Variants in CLRN1 observed in about 807,000 individuals in gnomAD.
The protein encoded by CLRN1 is clarin 1, also known as clarin-1.
Under a neutral mutation model 18.7 loss-of-function variants are expected in CLRN1, and 15 were observed. The observed-to-expected ratio is 0.80, with a 90% CI of 0.54 to 1.23. The LOEUF (loss-of-function observed/expected upper bound fraction) is 1.23, where lower values mean the gene tolerates loss of function less well. Among genes scored for constraint, CLRN1 ranks in the 50% most tolerant of loss-of-function variants. CLRN1 has a pLI of 0.00. For missense variants in CLRN1, 311 were observed against 277.5 expected (o/e 1.12, Z -0.86); for synonymous variants, 104 against 102.9 (o/e 1.01, Z -0.07).
intron 2 of CLRN1, among the ~76,000 whole-genome samples, chr3:150,930,942 C>A (rs1713101514): frequency 6.6e-6 from 1 of 152,150 alleles, no homozygotes; most frequent in East Asian, 1.9e-4. Flanking sequence ...GCACACAGCC[C>A]CCAAAACAAA....
chr3:150,931,545 C>T (rs1405140459), intron 2 of CLRN1, among the ~76,000 whole-genome samples: 1 of 152,184 alleles, frequency 6.6e-6, no homozygotes, highest in Non-Finnish European at 1.5e-5. Context: ...GTGGTCATTT[C>T]TCCTGGGTCA....
In CLRN1 at chr3:150,941,635, G is replaced by A. The variant is rs776997657; in HGVS notation, c.380C>T (p.Pro127Leu). 1.9e-6 allele frequency: 3 copies of A among 1,614,018 alleles called. No individual in the cohort carries two copies. The highest frequency in any genetic ancestry group is 2.2e-5 in the East Asian group (1 of 44,850). The change falls in exon 2 of 3, where the codon CCT becomes CTT. Residue 127 changes from proline (P) to leucine (L), a missense_variant. Coordinates refer to ENST00000327047, the MANE Select transcript of CLRN1 (RefSeq NM_174878.3). ...AFFMYNAFGK[P>L]FETLHGPLGL... ...TAGGGGACCATGCAGAGTTTCAAAA[G>A]GTTTTCCAAAAGCATTGTACATGAA...
At chr3:150,944,419 C>T (rs1446184113) in intron 1 of CLRN1, among the ~76,000 whole-genome samples, 1 of 151,876 alleles carries the variant, frequency 6.6e-6, no homozygotes, top group Non-Finnish European at 1.5e-5. Flanking sequence ...GAATAGTGAT[C>T]ACAAGGGGGT....
intron 2 of CLRN1, among the ~76,000 whole-genome samples, chr3:150,929,302 A>G (rs115337569): frequency 1.5e-3 from 228 of 152,224 alleles, no homozygotes; most frequent in Non-Finnish European, 2.4e-3. Context: ...ACACTGGGAG[A>G]CTTCCAGATG....
At chr3:150,926,407 A>G, downstream of CLRN1, 1 of 312,434 alleles carries the variant, frequency 3.2e-6, no homozygotes, top group Non-Finnish European at 6.2e-6. Flanking sequence ...CTCCTAGCCC[A>G]CTCATTTCCA....
rs745552121 is a variant in CLRN1, at chr3:150,927,770, T to A, written c.*166A>T. ...AACTTTTCAAAGCCTTCCTTCTGCTTCCCTTACTTTCCAGCCTGTATCCTT... is the reference window on the plus strand; with the variant it reads ...AACTTTTCAAAGCCTTCCTTCTGCTACCCTTACTTTCCAGCCTGTATCCTT... On this transcript the variant is annotated 3_prime_UTR_variant, in exon 3 of 3. Transcript: ENST00000327047. 1.9e-5 allele frequency: 18 copies of A among 935,266 alleles called. No individual in the cohort carries two copies. Among genetic ancestry groups the A allele is most frequent in the Non-Finnish European group, 2.4e-5 (14 of 595,718 alleles). 57.9% of individuals were successfully genotyped at this position (935,266 alleles called of 1,614,324 possible). A position where few individuals can be genotyped will look rare whatever the true frequency, so the allele number is the denominator to read the frequency against.
intron 1 of CLRN1, among the ~76,000 whole-genome samples, chr3:150,944,404 A>G (rs1326714872): frequency 1.3e-5 from 2 of 152,122 alleles, no homozygotes; most frequent in African/African-American, 4.8e-5. Flanking sequence ...ATCATTCTGA[A>G]TGCTGAATAG....
Position 150,928,034 on chromosome 3 carries a change from G to A in CLRN1, c.601C>T (p.Leu201=). The A allele has an allele frequency of 6.2e-7, 1 of 1,614,138 alleles. No individual in the cohort carries two copies. Among genetic ancestry groups the A allele is most frequent in the Non-Finnish European group, 8.5e-7 (1 of 1,180,010 alleles). Residue 201 remains leucine, a synonymous_variant, in exon 3 of 3, where the codon CTG becomes TTG. Coordinates refer to ENST00000327047, the MANE Select transcript of CLRN1 (RefSeq NM_174878.3). ...GCAAGTCGTATTAGGAGCCCATTCAGAAAATGAACAAAAAAGCAAAAGAAA... is the reference window on the plus strand; with the variant it reads ...GCAAGTCGTATTAGGAGCCCATTCAAAAAATGAACAAAAAAGCAAAAGAAA... ...VIFFCFFVHF[L]NGLLIRLAGF...
intron 2 of CLRN1, among the ~76,000 whole-genome samples, chr3:150,933,764 A>G (rs1489888418): frequency 6.6e-6 from 1 of 152,218 alleles, no homozygotes; most frequent in Admixed American, 6.5e-5. Context: ...GTACAAAATA[A>G]ATGAAACACA....
chr3:150,936,196 G>A (rs1186918858), intron 2 of CLRN1, among the ~76,000 whole-genome samples: 1 of 152,106 alleles, frequency 6.6e-6, no homozygotes, highest in Non-Finnish European at 1.5e-5. Flanking sequence ...TGGTGTTTTA[G>A]ACATGAAGTG....
At chr3:150,963,258 T>C (rs1280087110) in intron 1 of CLRN1, among the ~76,000 whole-genome samples, 1 of 152,180 alleles carries the variant, frequency 6.6e-6, no homozygotes, top group African/African-American at 2.4e-5. Context: ...CAAGCATTCC[T>C]ATACACCAAT....
intron 2 of CLRN1, among the ~76,000 whole-genome samples, chr3:150,940,220 C>T (rs142069388): frequency 6.6e-6 from 1 of 152,320 alleles, no homozygotes; most frequent in East Asian, 1.9e-4. Context: ...GTATTATATA[C>T]TTGTGACAAA....
At chr3:150,968,367 T>C (rs1576648410) in intron 1 of CLRN1, among the ~76,000 whole-genome samples, 1 of 152,298 alleles carries the variant, frequency 6.6e-6, no homozygotes, top group African/African-American at 2.4e-5. Context: ...TAGTTGTGTC[T>C]CTTTGAAGGG....
intron 2 of CLRN1, among the ~76,000 whole-genome samples, chr3:150,932,244 T>C (rs1359930644): frequency 6.6e-6 from 1 of 152,134 alleles, no homozygotes; most frequent in African/African-American, 2.4e-5. Flanking sequence ...TCTCCTCCAG[T>C]CCTTACTATA....
chr3:150,967,097 C>T (rs1407636971), intron 1 of CLRN1, among the ~76,000 whole-genome samples: 1 of 152,156 alleles, frequency 6.6e-6, no homozygotes, highest in Admixed American at 6.5e-5. Context: ...TCAATAGTGT[C>T]AGTTTACCAA....
In CLRN1 at chr3:150,934,988, A is replaced by G. The variant is rs111669499; in HGVS notation, c.433+6594T>C. On this transcript the variant is annotated intron_variant, in intron 2 of 2. Transcript: ENST00000327047. ...GTAATCTTGAAACATTCCCTCTGGG[A>G]CACTCATAATCTCCCAGTTTTCCTT... is the stretch of plus-strand genomic sequence containing the variant. 7.9e-5 allele frequency among the ~76,000 whole-genome samples: 12 copies of G among 152,086 alleles called. 1 individual carries two copies. The highest frequency in any genetic ancestry group is 2.7e-4 in the African/African-American group (11 of 41,502).
intron 2 of CLRN1, among the ~76,000 whole-genome samples, chr3:150,937,721 G>A (rs1713575364): frequency 6.6e-6 from 1 of 152,170 alleles, no homozygotes; most frequent in South Asian, 2.1e-4. Flanking sequence ...AGAATGCTGA[G>A]GAATACGAGC....
chr3:150,941,504 A>G, intron 2 of CLRN1, 78 bp downstream of exon 2: 9 of 1,409,730 alleles, frequency 6.4e-6, no homozygotes, highest in Non-Finnish European at 8.9e-6. Context: ...TTAAGATTAT[A>G]ACTTTATATT....
intron 1 of CLRN1, among the ~76,000 whole-genome samples, chr3:150,968,071 A>G (rs1280916200): frequency 6.6e-6 from 1 of 152,184 alleles, no homozygotes; most frequent in Non-Finnish European, 1.5e-5. Flanking sequence ...TGATTGGTTA[A>G]ATTTTATTTT....
Sources: gnomAD v4.1 joint callset for allele counts (sites outside exome capture counted in the v4.1 genomes callset) on GRCh38, gnomAD v4.1.1 for gene constraint, MANE v1.5 for transcripts, NCBI Gene and HGNC (gene_info 2026-07-23, HGNC 2026-07-21) for gene names.